Variants in NKAIN3 observed in about 807,000 individuals in gnomAD.
The protein encoded by NKAIN3 is sodium/potassium transporting ATPase interacting 3, also known as sodium/potassium-transporting ATPase subunit beta-1-interacting protein 3.
In NKAIN3, 25 loss-of-function variants were observed where a neutral mutation model predicts 30.2. That is an observed-to-expected ratio of 0.83 (90% CI 0.60 to 1.16). The LOEUF (loss-of-function observed/expected upper bound fraction) is 1.16, where lower values mean the gene tolerates loss of function less well. Among genes scored for constraint, NKAIN3 ranks in the 50% most tolerant of loss-of-function variants. The pLI, the probability that NKAIN3 is intolerant of heterozygous loss-of-function variation, is 0.00. For missense variants in NKAIN3, 225 were observed against 254.1 expected, an observed-to-expected ratio of 0.89 and a Z score of 0.78; for synonymous variants, 91 against 89.6, an observed-to-expected ratio of 1.02 and a Z score of -0.09.
intron 3 of NKAIN3, among the ~76,000 whole-genome samples, chr8:62,716,397 A>G (rs541894195): frequency 1.1e-4 from 16 of 152,254 alleles, no homozygotes; most frequent in African/African-American, 3.6e-4. Context: ...CACCTACAAG[A>G]TTTCTGATCT....
chr8:62,869,546 A>T (rs1054261309), intron 4 of NKAIN3, among the ~76,000 whole-genome samples: 3 of 152,250 alleles, frequency 2.0e-5, no homozygotes, highest in Non-Finnish European at 4.4e-5. Flanking sequence ...TAGAATGAAG[A>T]TTAATGATAT....
intron 4 of NKAIN3, among the ~76,000 whole-genome samples, chr8:62,811,095 TTC>T (rs1372606296): frequency 2.0e-5 from 3 of 152,136 alleles, no homozygotes; most frequent in African/African-American, 7.2e-5. Context: ...CCCTACTCTG[TTC>T]TCTGTTGTTA....
At chr8:62,944,153 T>C (rs185270114) in intron 5 of NKAIN3, among the ~76,000 whole-genome samples, 1 of 152,246 alleles carries the variant, frequency 6.6e-6, no homozygotes, top group Middle Eastern at 3.4e-3. Context: ...CAAAAACCCA[T>C]TGAAACATAT....
At chr8:62,289,184 C>T (rs557133518) in intron 1 of NKAIN3, among the ~76,000 whole-genome samples, 2 of 152,226 alleles carry the variant, frequency 1.3e-5, no homozygotes, top group East Asian at 1.9e-4. Flanking sequence ...TTCTCCCATT[C>T]TGTAGGTTGC....
At chr8:62,817,184 T>C (rs1351351) in intron 4 of NKAIN3, among the ~76,000 whole-genome samples, 29,726 of 152,116 alleles carry the variant, frequency 0.2, 3,342 homozygotes, top group African/African-American at 0.29. Context: ...GTTTTGATCT[T>C]TTTTTGTGGA....
At chr8:62,766,472 T>C (rs1816842471) in intron 4 of NKAIN3, among the ~76,000 whole-genome samples, 1 of 152,176 alleles carries the variant, frequency 6.6e-6, no homozygotes, top group Non-Finnish European at 1.5e-5. Context: ...AGAATTGGCT[T>C]CCAATAAGAT....
intron 3 of NKAIN3, among the ~76,000 whole-genome samples, chr8:62,600,319 T>G (rs143236419): frequency 3.8e-3 from 580 of 152,184 alleles, no homozygotes; most frequent in African/African-American, 0.013. Flanking sequence ...TATTTTATAT[T>G]AATCATGAGC....
rs74511855 is a variant in NKAIN3, at chr8:62,301,588, A to G, written c.54+52461A>G. Reference sequence around the variant, plus strand: ...ATATTCAGTTAGGTTACAATTCACTATGTATGAAAAAGCCTTCTGAACTTA... The same window carrying G: ...ATATTCAGTTAGGTTACAATTCACTGTGTATGAAAAAGCCTTCTGAACTTA... On this transcript the variant is annotated intron_variant, in intron 1 of 6. Transcript: ENST00000623646. 2.6e-3 allele frequency among the ~76,000 whole-genome samples: 389 copies of G among 152,188 alleles called. 3 individuals are homozygous for G. Among genetic ancestry groups the G allele is most frequent in the African/African-American group, 8.9e-3 (371 of 41,566 alleles).
At chr8:62,824,123 C>G (rs1461007935) in intron 4 of NKAIN3, among the ~76,000 whole-genome samples, 1 of 152,072 alleles carries the variant, frequency 6.6e-6, no homozygotes, top group Admixed American at 6.6e-5. Flanking sequence ...ATTTTATACC[C>G]CTGCATTGAC....
intron 1 of NKAIN3, among the ~76,000 whole-genome samples, chr8:62,294,298 A>G (rs2351652): frequency 0.66 from 100,116 of 151,920 alleles, 33,273 homozygotes; most frequent in African/African-American, 0.74. Flanking sequence ...CTTCTGCATC[A>G]CTTACGCTGG....
intron 6 of NKAIN3, among the ~76,000 whole-genome samples, chr8:62,963,961 G>A (rs1358899827): frequency 6.6e-6 from 1 of 152,136 alleles, no homozygotes; most frequent in Non-Finnish European, 1.5e-5. Flanking sequence ...TTCACTCCAA[G>A]GCACAAAGTC....
chr8:62,818,514 AC>A (rs1222646196), intron 4 of NKAIN3, among the ~76,000 whole-genome samples: 1 of 151,992 alleles, frequency 6.6e-6, no homozygotes, highest in Non-Finnish European at 1.5e-5. Context: ...TTCTATGCCA[AC>A]TTTTTTTTCC....
intron 3 of NKAIN3, among the ~76,000 whole-genome samples, chr8:62,628,574 C>T (rs1001152849): frequency 2.0e-5 from 3 of 152,072 alleles, no homozygotes; most frequent in African/African-American, 7.2e-5. Flanking sequence ...AGTAATTCTT[C>T]TAGCCTGTTT....
intron 4 of NKAIN3, among the ~76,000 whole-genome samples, chr8:62,899,686 G>C (rs1285776355): frequency 6.6e-6 from 1 of 151,956 alleles, no homozygotes; most frequent in East Asian, 1.9e-4. Context: ...AGCATAACAG[G>C]GTGACTATAG....
rs552102074 is a variant in NKAIN3 at position 62,867,396 on chromosome 8, G to A, written c.472-51057G>A. ...AGCCCTCAACATAGTGCCTAGCACA[G>A]TGTATAATCAGTACATGATATTCAC... On this transcript the variant is annotated intron_variant, in intron 4 of 6. Transcript: ENST00000623646. 2.6e-5 allele frequency among the ~76,000 whole-genome samples: 4 copies of A among 152,300 alleles called. No individual in the cohort carries two copies. The South Asian group carries it at 8.3e-4, about 32-fold the overall frequency.
At chr8:62,903,783 C>A (rs1329379754) in intron 4 of NKAIN3, among the ~76,000 whole-genome samples, 1 of 152,142 alleles carries the variant, frequency 6.6e-6, no homozygotes, top group Non-Finnish European at 1.5e-5. Context: ...AGGAAACTTA[C>A]AATCATGGCA....
chr8:62,601,762 A>G lies in NKAIN3; in HGVS notation c.273+11968A>G, dbSNP rs142442217. ...GTTTATTGTTATGTTTGGTTCCTGC[A>G]CAATCTTTATCCAAAGAGACGCAAT... On this transcript the variant is annotated intron_variant, in intron 3 of 6. Transcript: ENST00000623646. 7.1e-4 allele frequency among the ~76,000 whole-genome samples: 108 copies of G among 152,204 alleles called. 1 individual carries two copies. In the Middle Eastern group the frequency reaches 0.017, roughly 24 times the overall value.
At chr8:62,549,862 T>A (rs1478900777) in intron 1 of NKAIN3, among the ~76,000 whole-genome samples, 1 of 150,802 alleles carries the variant, frequency 6.6e-6, no homozygotes, top group Non-Finnish European at 1.5e-5. Context: ...GTGCCATTAT[T>A]CTACACTTTG....
intron 1 of NKAIN3, among the ~76,000 whole-genome samples, chr8:62,535,879 C>A (rs1487058683): frequency 1.3e-5 from 2 of 152,066 alleles, no homozygotes; most frequent in Non-Finnish European, 2.9e-5. Flanking sequence ...AGATTAGAGT[C>A]CTACTTTGGG....
Sources: gnomAD v4.1 joint callset for allele counts (sites outside exome capture counted in the v4.1 genomes callset) on GRCh38, gnomAD v4.1.1 for gene constraint, MANE v1.5 for transcripts, NCBI Gene and HGNC (gene_info 2026-07-23, HGNC 2026-07-21) for gene names.